The following C21orf58 variants were observed in gnomAD, a reference collection of about 807,000 sequenced individuals.
C21orf58 encodes chromosome 21 open reading frame 58, also known as uncharacterized protein C21orf58.
C21orf58 carries 34 observed loss-of-function variants against 35.8 expected under a neutral mutation model. The ratio of observed to expected loss-of-function variants is 0.95; its 90% confidence interval spans 0.72 to 1.26. The LOEUF (loss-of-function observed/expected upper bound fraction) is 1.26, where lower values mean the gene tolerates loss of function less well. Among genes scored for constraint, C21orf58 ranks in the 50% most tolerant of loss-of-function variants. The probability of loss-of-function intolerance (pLI) is 0.00; values close to 1 mark genes in which losing one functional copy is unlikely to be tolerated. For missense variants in C21orf58, 440 were observed against 414.3 expected, an observed-to-expected ratio of 1.06 and a Z score of -0.54; for synonymous variants, 191 against 175.8, an observed-to-expected ratio of 1.09 and a Z score of -0.68.
In C21orf58 at chr21:46,318,552, C is replaced by T. The variant is rs114361801; in HGVS notation, c.101-332G>A. On this transcript the variant is annotated intron_variant, in intron 1 of 7. Transcript: ENST00000291691. ...GAAGAACCTGTGTGTCAGGGGAGGG[C>T]GCCCCACCTGTGTACTGCCTCCAGG... 154 of 1,229,028 alleles carry T rather than the reference C, an allele frequency of 1.3e-4. No individual in the cohort carries two copies. The African/African-American group carries it at 2.0e-3, about 16-fold the overall frequency. 76.1% of individuals were successfully genotyped at this position (1,229,028 alleles called of 1,614,324 possible).
intron 5 of C21orf58, among the ~76,000 whole-genome samples, chr21:46,313,552 TG>T (rs1207102452): frequency 6.6e-6 from 1 of 152,218 alleles, no homozygotes; most frequent in African/African-American, 2.4e-5. Flanking sequence ...CAGGCATAAC[TG>T]GCCCTGATGG....
intron 3 of C21orf58, 113 bp from the exon 4 acceptor site, chr21:46,315,660 C>A: frequency 1.4e-6 from 1 of 728,096 alleles, no homozygotes; most frequent in East Asian, 2.7e-5. Flanking sequence ...ACCCACACTC[C>A]CAGGATGGGG....
intron 1 of C21orf58, chr21:46,322,336 G>A (rs571650687): frequency 7.6e-6 from 4 of 523,866 alleles, no homozygotes; most frequent in Non-Finnish European, 9.8e-6. Flanking sequence ...TCCAACATTA[G>A]CAGAACCTCT....
chr21:46,315,652 C>A, intron 3 of C21orf58, 105 bp from the exon 4 acceptor site: 1 of 750,844 alleles, frequency 1.3e-6, no homozygotes, highest in Non-Finnish European at 2.4e-6. Flanking sequence ...CCTGCCTCAC[C>A]CACACTCCCA....
chr21:46,319,759 T>G (rs2083093489), intron 1 of C21orf58, among the ~76,000 whole-genome samples: 1 of 151,216 alleles, frequency 6.6e-6, no homozygotes, highest in Non-Finnish European at 1.5e-5. Flanking sequence ...TAGCCAGGCG[T>G]CGTGGTAGGC....
chr21:46,320,895 T>C (rs1445380433), intron 1 of C21orf58: 1 of 152,220 alleles, frequency 6.6e-6, no homozygotes, highest in Non-Finnish European at 1.5e-5. Context: ...TTTGTAATAC[T>C]GACTGACTTA....
intron 2 of C21orf58, among the ~76,000 whole-genome samples, 188 bp downstream of exon 2, chr21:46,317,824 G>A (rs964983916): frequency 2.0e-5 from 3 of 152,238 alleles, no homozygotes; most frequent in Non-Finnish European, 2.9e-5. Context: ...CAGGCAGGTC[G>A]GTCATGGGCC....
intron 1 of C21orf58, chr21:46,318,595 C>G: frequency 8.9e-7 from 1 of 1,122,778 alleles, no homozygotes. Flanking sequence ...TACCTCCCTC[C>G]TAGGGACCCT....
chr21:46,317,373 G>T, intron 2 of C21orf58, 105 bp from the exon 3 acceptor site: 1 of 1,535,772 alleles, frequency 6.5e-7, no homozygotes, highest in Non-Finnish European at 8.7e-7. Context: ...TGGTACGTCA[G>T]GAGTAACCCA....
intron 1 of C21orf58, among the ~76,000 whole-genome samples, chr21:46,322,077 C>T (rs1003847258): frequency 6.6e-6 from 1 of 151,880 alleles, no homozygotes; most frequent in Non-Finnish European, 1.5e-5. Flanking sequence ...TCACTTGAGC[C>T]CAGGAGTTCA....
At chr21:46,321,014 G>A (rs776046940) in intron 1 of C21orf58, among the ~76,000 whole-genome samples, 1 of 152,020 alleles carries the variant, frequency 6.6e-6, no homozygotes, top group Non-Finnish European at 1.5e-5. Context: ...TGCTCCAGAG[G>A]GCATGGATTT....
chr21:46,323,068 C>T lies in C21orf58; in HGVS notation c.-330G>A. 1 of 179,900 alleles carries T rather than the reference C, an allele frequency of 5.6e-6. No homozygotes were observed. The highest frequency in any genetic ancestry group is 1.2e-5 in the Non-Finnish European group (1 of 86,770). The allele number at this position is 179,900 out of a possible 1,614,324, so 11.1% of individuals were successfully genotyped here. A position where few individuals can be genotyped will look rare whatever the true frequency, so the allele number is the denominator to read the frequency against. On this transcript the variant is annotated 5_prime_UTR_variant, in exon 1 of 8. Coordinates refer to ENST00000291691, the MANE Select transcript of C21orf58 (RefSeq NM_058180.5). ...ATACTCCACAGTTAAGGACGGCCTG[C>T]GCGAGGTCACCGGCCCTGTCTTGGT... is the stretch of plus-strand genomic sequence containing the variant.
At chr21:46,302,412 C>A in intron 7 of C21orf58, 73 bp downstream of exon 7, 1 of 1,251,532 alleles carries the variant, frequency 8.0e-7, no homozygotes, top group Admixed American at 2.1e-5. Context: ...TACACAGATG[C>A]AGAAATTTCC....
At chr21:46,318,274 A>G in intron 1 of C21orf58, 54 bp from the exon 2 acceptor site, 1 of 1,603,480 alleles carries the variant, frequency 6.2e-7, no homozygotes, top group Middle Eastern at 2.2e-4. Context: ...CCTGGACTGC[A>G]GTGCCCCAGA....
intron 7 of C21orf58, 27 bp from the exon 8 acceptor site, chr21:46,302,181 G>T: frequency 6.9e-7 from 1 of 1,451,272 alleles, no homozygotes; most frequent in Non-Finnish European, 9.1e-7. Flanking sequence ...TGCTGCTTAG[G>T]ACGCAGCCCA....
chr21:46,312,286 T>C (rs1172432246), intron 5 of C21orf58, among the ~76,000 whole-genome samples: 1 of 152,196 alleles, frequency 6.6e-6, no homozygotes, highest in Non-Finnish European at 1.5e-5. Flanking sequence ...CCACCAATTC[T>C]GCTTTAATAG....
intron 1 of C21orf58, among the ~76,000 whole-genome samples, chr21:46,320,403 CT>C (rs1352052260): frequency 6.6e-6 from 1 of 151,112 alleles, no homozygotes; most frequent in African/African-American, 2.4e-5. Flanking sequence ...CACCTGGCCC[CT>C]GATGCCTTTT....
Position 46,313,048 on chromosome 21 carries a change from G to T in C21orf58, c.610-1481C>A, listed in dbSNP as rs1470050696. 7 of 985,444 alleles carry T rather than the reference G, an allele frequency of 7.1e-6. No individual in the cohort carries two copies. The East Asian group carries it at 7.9e-4, about 112-fold the overall frequency. 61.0% of individuals were successfully genotyped at this position (985,444 alleles called of 1,614,324 possible). The stretch of plus-strand genomic sequence containing the variant: ...CTTGTCCCTTCTTCCTCAGTTCACA[G>T]AAAGGACGGCAGAGACCAAGAGTTG... On this transcript the variant is annotated intron_variant, in intron 5 of 7. Transcript: ENST00000291691.
At chr21:46,322,175 T>C (rs2083183283) in intron 1 of C21orf58, among the ~76,000 whole-genome samples, 1 of 151,954 alleles carries the variant, frequency 6.6e-6, no homozygotes, top group Admixed American at 6.6e-5. Flanking sequence ...TAATTCCAGC[T>C]GCTCAGGAGG....
Sources: allele counts gnomAD v4.1 joint callset (sites outside exome capture counted in the v4.1 genomes callset), GRCh38; gene constraint gnomAD v4.1.1; transcripts MANE v1.5; gene names NCBI Gene and HGNC (gene_info 2026-07-23, HGNC 2026-07-21).